The following PDZRN4 variants were observed in gnomAD, a reference collection of about 807,000 sequenced individuals.
The protein encoded by PDZRN4 is PDZ domain-containing RING finger protein 4.
Under a neutral mutation model 99.0 loss-of-function variants are expected in PDZRN4, and 70 were observed. The observed-to-expected ratio is 0.71, with a 90% CI of 0.58 to 0.86. The LOEUF (loss-of-function observed/expected upper bound fraction) is 0.86. Ranked by LOEUF, PDZRN4 falls within the 40% of genes least tolerant of loss-of-function variation. PDZRN4 has a pLI of 0.00. For missense variants in PDZRN4, 1,474 were observed against 1,331.2 expected (o/e 1.11, Z -1.67); for synonymous variants, 551 against 501.6 (o/e 1.10, Z -1.32).
intron 3 of PDZRN4, among the ~76,000 whole-genome samples, chr12:41,229,171 C>A (rs1951013844): frequency 1.3e-5 from 2 of 151,040 alleles, no homozygotes; most frequent in Non-Finnish European, 3.0e-5. Context: ...CTCAGGTGAT[C>A]TGTCTCGGGT....
intron 5 of PDZRN4, among the ~76,000 whole-genome samples, chr12:41,535,007 A>G (rs1938726089): frequency 6.6e-6 from 1 of 151,860 alleles, no homozygotes; most frequent in Admixed American, 6.6e-5. Flanking sequence ...TTCCCTCCTC[A>G]GGTATGTCCA....
In PDZRN4 at chr12:41,459,874, T is replaced by TA. The variant is rs1228122988; in HGVS notation, c.844-46574dup. ...AATACCCATTAAATTAACATTAGTT[T>TA]AAAAAAAATGAAAACTTCTAGAACA... is the stretch of plus-strand genomic sequence containing the variant. On this transcript the variant is annotated intron_variant, in intron 3 of 9. Coordinates refer to ENST00000402685, the MANE Select transcript of PDZRN4 (RefSeq NM_001164595.2). 59 of 1,129,074 alleles carry TA rather than the reference T, an allele frequency of 5.2e-5. No individual in the cohort carries two copies. In the Middle Eastern group the frequency reaches 7.4e-4, roughly 14 times the overall value. The allele number at this position is 1,129,074 out of a possible 1,614,324, so 69.9% of individuals were successfully genotyped here.
chr12:41,353,262 A>C (rs1267751145), intron 3 of PDZRN4, among the ~76,000 whole-genome samples: 1 of 151,816 alleles, frequency 6.6e-6, no homozygotes, highest in Non-Finnish European at 1.5e-5. Flanking sequence ...CTAGAATTCC[A>C]CTCTTTCACT....
chr12:41,237,158 C>T (rs10785177), intron 3 of PDZRN4, among the ~76,000 whole-genome samples: 101,999 of 151,678 alleles, frequency 0.67, 34,410 homozygotes, highest in South Asian at 0.73. Flanking sequence ...CTTCTTGATA[C>T]TGGTGCCCCC....
intron 7 of PDZRN4, among the ~76,000 whole-genome samples, chr12:41,560,241 C>A (rs1163335787): frequency 6.6e-6 from 1 of 152,020 alleles, no homozygotes; most frequent in Non-Finnish European, 1.5e-5. Context: ...GGTTGGATGT[C>A]AAGAATTTGA....
intron 3 of PDZRN4, 131 bp from the exon 4 acceptor site, chr12:41,506,325 C>A (rs897418508): frequency 1.4e-6 from 1 of 712,000 alleles, no homozygotes; most frequent in Non-Finnish European, 2.2e-6. Context: ...ATATTAATAT[C>A]TGATTAAATA....
intron 3 of PDZRN4, among the ~76,000 whole-genome samples, chr12:41,430,654 G>A (rs1952579843): frequency 1.3e-5 from 2 of 152,062 alleles, no homozygotes; most frequent in South Asian, 4.2e-4. Flanking sequence ...TTTAGAAGTT[G>A]TTGCACAGTG....
intron 3 of PDZRN4, among the ~76,000 whole-genome samples, chr12:41,410,945 C>A (rs1952393645): frequency 6.6e-6 from 1 of 151,998 alleles, no homozygotes; most frequent in South Asian, 2.1e-4. Flanking sequence ...GTGGTGTGAT[C>A]AAGGCTGACT....
chr12:41,321,694 T>A (rs1951678959), intron 3 of PDZRN4, among the ~76,000 whole-genome samples: 1 of 152,192 alleles, frequency 6.6e-6, no homozygotes, highest in Admixed American at 6.5e-5. Context: ...TCTTAATCAC[T>A]GTTTTTTAAA....
chr12:41,425,436 T>A (rs1048383378), intron 3 of PDZRN4, among the ~76,000 whole-genome samples: 1 of 151,856 alleles, frequency 6.6e-6, no homozygotes, highest in African/African-American at 2.4e-5. Context: ...GAATCCAATG[T>A]CCCAGGAACA....
Position 41,505,296 on chromosome 12 carries a change from G to A in PDZRN4, c.844-1160G>A, listed in dbSNP as rs976085550. Among the ~76,000 whole-genome samples the A allele has an allele frequency of 3.3e-5, 5 of 152,088 alleles. No homozygotes were observed. In the East Asian group the frequency reaches 5.8e-4, roughly 18 times the overall value. ...TGTCTAGAGATGGTATAGTTTCAGG[G>A]ATATTGGGCACAGTATTGTGCCACC... On this transcript the variant is annotated intron_variant, in intron 3 of 9. Coordinates refer to ENST00000402685, the MANE Select transcript of PDZRN4 (RefSeq NM_001164595.2).
chr12:41,372,664 C>T (rs1333339319), intron 3 of PDZRN4, among the ~76,000 whole-genome samples: 2 of 152,056 alleles, frequency 1.3e-5, no homozygotes, highest in Admixed American at 6.6e-5. Context: ...ACATAGGTAG[C>T]TAAAATGTTG....
chr12:41,535,415 C>T (rs1312905762), intron 5 of PDZRN4, among the ~76,000 whole-genome samples: 1 of 152,218 alleles, frequency 6.6e-6, no homozygotes, highest in East Asian at 1.9e-4. Context: ...ATTTTAGACA[C>T]ATTCACAAGT....
At chr12:41,422,143 C>T (rs1394503491) in intron 3 of PDZRN4, among the ~76,000 whole-genome samples, 1 of 152,118 alleles carries the variant, frequency 6.6e-6, no homozygotes, top group East Asian at 1.9e-4. Context: ...ATTTTATTCT[C>T]ACTGATTTGT....
At chr12:41,467,409 A>G (rs1417853597) in intron 3 of PDZRN4, among the ~76,000 whole-genome samples, 2 of 152,228 alleles carry the variant, frequency 1.3e-5, no homozygotes, top group African/African-American at 2.4e-5. Context: ...TTAAGAAATG[A>G]TTCACAATTG....
At chr12:41,213,990 C>T (rs1278826619) in intron 3 of PDZRN4, among the ~76,000 whole-genome samples, 1 of 151,838 alleles carries the variant, frequency 6.6e-6, no homozygotes, top group African/African-American at 2.4e-5. Context: ...AAATTTAAAG[C>T]AATGCGTGGT....
chr12:41,367,091 C>T (rs1419586289), intron 3 of PDZRN4, among the ~76,000 whole-genome samples: 3 of 152,068 alleles, frequency 2.0e-5, no homozygotes, highest in Non-Finnish European at 4.4e-5. Flanking sequence ...AATATAGACA[C>T]ACAAATCCCC....
chr12:41,482,528 C>T (rs940170241), intron 3 of PDZRN4, among the ~76,000 whole-genome samples: 2 of 152,090 alleles, frequency 1.3e-5, no homozygotes, highest in African/African-American at 4.8e-5. Flanking sequence ...TCCATATCAG[C>T]TTCTGTCATA....
chr12:41,307,142 C>G (rs74549677), intron 3 of PDZRN4, among the ~76,000 whole-genome samples: 1,681 of 152,162 alleles, frequency 0.011, 30 homozygotes, highest in African/African-American at 0.037. Context: ...ATAGCAGCAC[C>G]CTATTTCTCA....
Sources: gnomAD v4.1 joint callset for allele counts (sites outside exome capture counted in the v4.1 genomes callset) on GRCh38, gnomAD v4.1.1 for gene constraint, MANE v1.5 for transcripts, NCBI Gene and HGNC (gene_info 2026-07-23, HGNC 2026-07-21) for gene names.